The following CCDC148 variants were observed in gnomAD, a reference collection of about 807,000 sequenced individuals.
The protein encoded by CCDC148 is coiled-coil domain containing 148, also known as coiled-coil domain-containing protein 148.
CCDC148 carries 89 observed loss-of-function variants against 85.7 expected under a neutral mutation model. The ratio of observed to expected loss-of-function variants is 1.04; its 90% CI spans 0.87 to 1.24. CCDC148 has a LOEUF of 1.24. Ranked by LOEUF, CCDC148 falls within the 50% of genes most tolerant of loss-of-function variation. The probability of loss-of-function intolerance (pLI) is 0.00; values close to 1 mark genes in which losing one functional copy is unlikely to be tolerated. For synonymous variants in CCDC148, 230 were observed against 213.9 expected, an observed-to-expected ratio of 1.08 and a Z score of -0.66; for missense variants, 692 against 671.7, an observed-to-expected ratio of 1.03 and a Z score of -0.33.
At chr2:158,213,174 G>A (rs1302110011) in intron 11 of CCDC148, among the ~76,000 whole-genome samples, 3 of 152,172 alleles carry the variant, frequency 2.0e-5, no homozygotes, top group Non-Finnish European at 2.9e-5. Context: ...TGTTACATGA[G>A]CATTGACTGA....
intron 1 of CCDC148, among the ~76,000 whole-genome samples, chr2:158,388,680 A>C (rs1042497950): frequency 6.6e-6 from 1 of 152,034 alleles, no homozygotes; most frequent in East Asian, 1.9e-4. Flanking sequence ...TTTTTAGTAG[A>C]GACAGGGTTT....
intron 1 of CCDC148, among the ~76,000 whole-genome samples, chr2:158,449,442 C>T (rs921571048): frequency 2.3e-5 from 3 of 132,884 alleles, no homozygotes; most frequent in Non-Finnish European, 4.8e-5. Context: ...CCCTTCTTGC[C>T]CTCCTTGGTT....
chr2:158,185,023 A>G (rs1490942366), intron 11 of CCDC148, among the ~76,000 whole-genome samples: 2 of 152,200 alleles, frequency 1.3e-5, no homozygotes, highest in African/African-American at 4.8e-5. Flanking sequence ...AAAACCAGTT[A>G]CAAGTTACTA....
intron 1 of CCDC148, among the ~76,000 whole-genome samples, chr2:158,389,751 C>T (rs1685230081): frequency 6.6e-6 from 1 of 152,252 alleles, no homozygotes; most frequent in Admixed American, 6.5e-5. Flanking sequence ...AACTTTTGCA[C>T]ATTTAAAAAA....
chr2:158,400,074 G>A (rs544921546), intron 1 of CCDC148, among the ~76,000 whole-genome samples: 50 of 152,238 alleles, frequency 3.3e-4, no homozygotes, highest in African/African-American at 1.2e-3. Flanking sequence ...CAAACAAACG[G>A]AAGAACATTC....
chr2:158,331,072 G>C (rs1033705187), intron 7 of CCDC148, among the ~76,000 whole-genome samples: 2 of 152,038 alleles, frequency 1.3e-5, no homozygotes, highest in African/African-American at 4.8e-5. Context: ...GTTTGCTCTT[G>C]CTTCTCGAGT....
At position 158,339,019 on chromosome 2, in the gene CCDC148, C is replaced by A; in HGVS notation, c.553G>T (p.Glu185Ter). 6.2e-7 allele frequency: 1 copy of A among 1,613,818 alleles called. No individual in the cohort carries two copies. Among genetic ancestry groups the A allele is most frequent in the Non-Finnish European group, 8.5e-7 (1 of 1,179,804 alleles). Reference sequence around the variant, plus strand: ...ATACTCCAGTCTGAAAGATCATTTTCTATTCTCTGTTGCTCCAGCCTAAGT... The same window carrying A: ...ATACTCCAGTCTGAAAGATCATTTTATATTCTCTGTTGCTCCAGCCTAAGT... ...ERLRLEQQRI[E>*]NDLSDWSIKI... The change falls in exon 6 of 14, where the codon GAA (glutamate) becomes TAA (stop). Residue 185 changes from glutamate to a stop codon, truncating the protein, a stop_gained. Transcript: ENST00000283233. LOFTEE classifies it high-confidence loss of function.
At chr2:158,183,741 G>A (rs748602708) in intron 11 of CCDC148, among the ~76,000 whole-genome samples, 1 of 152,148 alleles carries the variant, frequency 6.6e-6, no homozygotes, top group Non-Finnish European at 1.5e-5. Context: ...TTTAAGTCAT[G>A]TGGCTTAGTC....
At chr2:158,431,344 G>A (rs1339175439) in intron 1 of CCDC148, among the ~76,000 whole-genome samples, 3 of 151,568 alleles carry the variant, frequency 2.0e-5, no homozygotes, top group South Asian at 2.1e-4. Flanking sequence ...CTAGTGATGG[G>A]GTCGAGAAGG....
intron 10 of CCDC148, among the ~76,000 whole-genome samples, chr2:158,226,263 T>C (rs1282493589): frequency 6.6e-6 from 1 of 152,066 alleles, no homozygotes; most frequent in East Asian, 1.9e-4. Flanking sequence ...AGGAAGAAGT[T>C]GAATCTCTGA....
chr2:158,347,489 T>A (rs1189280532), intron 2 of CCDC148, among the ~76,000 whole-genome samples: 4 of 152,070 alleles, frequency 2.6e-5, no homozygotes, highest in Non-Finnish European at 5.9e-5. Context: ...AGATTTAAAG[T>A]TCTATCTTTA....
intron 10 of CCDC148, among the ~76,000 whole-genome samples, chr2:158,233,934 T>C (rs796944502): frequency 1.8e-4 from 27 of 152,124 alleles, no homozygotes; most frequent in African/African-American, 6.5e-4. Context: ...TCTCAGCACT[T>C]TGGGAGGCCG....
At chr2:158,402,925 C>T (rs1353363445) in intron 1 of CCDC148, among the ~76,000 whole-genome samples, 2 of 152,086 alleles carry the variant, frequency 1.3e-5, no homozygotes, top group Non-Finnish European at 2.9e-5. Flanking sequence ...TAGAACATGT[C>T]TCTAAGGCTC....
rs1052767276 is a variant in CCDC148 at position 158,340,247 on chromosome 2, C to G, written c.481G>C (p.Glu161Gln). The change falls in exon 5 of 14, where the codon GAA (glutamate) becomes CAA (glutamine). Residue 161 changes from glutamate (E) to glutamine (Q), a missense_variant. By Grantham distance (29) the Glu-to-Gln change is conservative. Transcript: ENST00000283233. The stretch of plus-strand genomic sequence containing the variant: ...AATAAAGGTAACATACTAACCTCTT[C>G]CAATACTTTCATGGAGTTAAACTCA... ...HIEFNSMKVLEEVDFVKKQLK... is the reference protein window; with the variant it reads ...HIEFNSMKVLQEVDFVKKQLK... 4 of 1,613,500 alleles carry G rather than the reference C, an allele frequency of 2.5e-6. No homozygotes were observed. In the African/African-American group the frequency reaches 4.0e-5, roughly 16 times the overall value.
At chr2:158,226,178 T>C (rs1687509415) in intron 10 of CCDC148, among the ~76,000 whole-genome samples, 1 of 152,100 alleles carries the variant, frequency 6.6e-6, no homozygotes, top group South Asian at 2.1e-4. Context: ...TATGAACACC[T>C]CTATGCAAAT....
intron 9 of CCDC148, 30 bp downstream of exon 9, chr2:158,309,403 A>T (rs1440168893): frequency 6.4e-6 from 10 of 1,561,622 alleles, no homozygotes; most frequent in Non-Finnish European, 7.9e-6. Flanking sequence ...ATATCCAGAC[A>T]AATACTGAAA....
intron 1 of CCDC148, among the ~76,000 whole-genome samples, chr2:158,441,855 G>C (rs945412709): frequency 1.3e-5 from 2 of 151,962 alleles, no homozygotes; most frequent in African/African-American, 2.4e-5. Context: ...AAGTACCATT[G>C]AATTTTAACT....
At chr2:158,297,169 T>C (rs544663754) in intron 9 of CCDC148, among the ~76,000 whole-genome samples, 3 of 152,216 alleles carry the variant, frequency 2.0e-5, no homozygotes, top group Admixed American at 1.3e-4. Context: ...CCAGTTCTCA[T>C]AGTAAACTGG....
At chr2:158,403,592 G>A (rs1251221544) in intron 1 of CCDC148, among the ~76,000 whole-genome samples, 1 of 151,928 alleles carries the variant, frequency 6.6e-6, no homozygotes, top group African/African-American at 2.4e-5. Context: ...GTGATCCACT[G>A]TTCCTAATGC....
Sources: allele counts gnomAD v4.1 joint callset (sites outside exome capture counted in the v4.1 genomes callset), GRCh38; gene constraint gnomAD v4.1.1; transcripts MANE v1.5; gene names NCBI Gene and HGNC (gene_info 2026-07-23, HGNC 2026-07-21).